MTHFD2L: variants seen among roughly 807,000 people sequenced by gnomAD.
The protein encoded by MTHFD2L is bifunctional methylenetetrahydrofolate dehydrogenase/cyclohydrolase 2, mitochondrial.
Under a neutral mutation model 34.9 loss-of-function variants are expected in MTHFD2L, and 29 were observed. The observed-to-expected ratio is 0.83, with a 90% confidence interval of 0.62 to 1.13. MTHFD2L has a LOEUF of 1.13. Ranked by LOEUF, MTHFD2L falls within the 50% of genes most tolerant of loss-of-function variation. The pLI, the probability that MTHFD2L is intolerant of heterozygous loss-of-function variation, is 0.00. For synonymous variants in MTHFD2L, 167 were observed against 155.7 expected, an observed-to-expected ratio of 1.07 and a Z score of -0.54; for missense variants, 481 against 446.5, an observed-to-expected ratio of 1.08 and a Z score of -0.70.
At chr4:74,163,935 G>A (rs1216950099) in intron 1 of MTHFD2L, among the ~76,000 whole-genome samples, 1 of 152,188 alleles carries the variant, frequency 6.6e-6, no homozygotes, top group Non-Finnish European at 1.5e-5. Flanking sequence ...GAGTGCAATA[G>A]CACGATCTTG....
At chr4:74,182,863 T>C (rs1404421311) in intron 3 of MTHFD2L, 2 of 152,208 alleles carry the variant, frequency 1.3e-5, no homozygotes, top group Non-Finnish European at 2.9e-5. Context: ...TCTTGGAAAC[T>C]AGGTATTACA....
chr4:74,228,807 G>A (rs1739574843), intron 6 of MTHFD2L, among the ~76,000 whole-genome samples: 1 of 152,196 alleles, frequency 6.6e-6, no homozygotes, highest in South Asian at 2.1e-4. Flanking sequence ...AAACAAGACA[G>A]GAGCCAGGAG....
At chr4:74,263,001 C>T (rs1311116318) in intron 6 of MTHFD2L, among the ~76,000 whole-genome samples, 1 of 151,940 alleles carries the variant, frequency 6.6e-6, no homozygotes, top group Non-Finnish European at 1.5e-5. Context: ...TCTCTCAACT[C>T]ACCAAGTTGT....
chr4:74,270,531 TG>T (rs1328112477), intron 6 of MTHFD2L, among the ~76,000 whole-genome samples: 1 of 152,344 alleles, frequency 6.6e-6, no homozygotes, highest in East Asian at 1.9e-4. Context: ...TAGTATTCCA[TG>T]GTGTATATGT....
chr4:74,232,775 T>C (rs535734096), intron 6 of MTHFD2L, among the ~76,000 whole-genome samples: 6 of 151,640 alleles, frequency 4.0e-5, no homozygotes, highest in African/African-American at 1.5e-4. Flanking sequence ...ATATACTATT[T>C]GTATTTAGCA....
At chr4:74,299,174 T>C (rs915825963) in intron 7 of MTHFD2L, among the ~76,000 whole-genome samples, 4 of 151,936 alleles carry the variant, frequency 2.6e-5, no homozygotes, top group African/African-American at 9.7e-5. Context: ...ATATAACAAA[T>C]TGTATGCCAC....
At chr4:74,295,551 A>G (rs1749525571) in intron 7 of MTHFD2L, among the ~76,000 whole-genome samples, 1 of 152,194 alleles carries the variant, frequency 6.6e-6, no homozygotes, top group Non-Finnish European at 1.5e-5. Flanking sequence ...TTCATTAGAG[A>G]AATGTGCAAA....
intron 1 of MTHFD2L, among the ~76,000 whole-genome samples, chr4:74,167,465 A>C (rs1186594689): frequency 1.3e-5 from 2 of 152,256 alleles, no homozygotes; most frequent in East Asian, 3.8e-4. Flanking sequence ...CAGGCTGCCT[A>C]TCCAGAGAAC....
Position 74,174,550 on chromosome 4 carries a change from T to C in MTHFD2L, c.188T>C (p.Ile63Thr), listed in dbSNP as rs1428920131. The change falls in exon 2 of 8, where the codon ATC (isoleucine) becomes ACC (threonine). Residue 63 changes from isoleucine (I) to threonine (T), a missense_variant. Physicochemically the swap from Ile to Thr is moderately conservative, Grantham distance 89. Coordinates refer to ENST00000325278, the MANE Select transcript of MTHFD2L (RefSeq NM_001144978.3). ...TCAGGAACCGAAATGGCCAAGCATA[T>C]CCAGAAAGAAATACAGCGAGGTGTG... ...IISGTEMAKH[I>T]QKEIQRGVES... The C allele has an allele frequency of 6.3e-7, 1 of 1,598,316 alleles. No individual in the cohort carries two copies. Among genetic ancestry groups the C allele is most frequent in the Non-Finnish European group, 8.5e-7 (1 of 1,173,450 alleles).
At chr4:74,140,428 T>G in intron 1 of MTHFD2L, 5 of 388,698 alleles carry the variant, frequency 1.3e-5, no homozygotes, top group Non-Finnish European at 1.8e-5. Context: ...TAGTTTTAAT[T>G]TTATGTAATT....
At chr4:74,298,343 T>A (rs1749877991) in intron 7 of MTHFD2L, among the ~76,000 whole-genome samples, 1 of 152,016 alleles carries the variant, frequency 6.6e-6, no homozygotes, top group African/African-American at 2.4e-5. Context: ...CATAGCCTGA[T>A]TCTATGAAAA....
At chr4:74,274,005 C>G (rs917869038) in intron 6 of MTHFD2L, among the ~76,000 whole-genome samples, 1 of 143,232 alleles carries the variant, frequency 7.0e-6, no homozygotes, top group Admixed American at 6.8e-5. Flanking sequence ...TCCTCAAGAA[C>G]AGTTTGATTT....
intron 3 of MTHFD2L, among the ~76,000 whole-genome samples, chr4:74,196,917 G>T (rs1278096438): frequency 6.7e-6 from 1 of 148,510 alleles, no homozygotes; most frequent in Non-Finnish European, 1.5e-5. Flanking sequence ...CTGCACTCCA[G>T]CCTGGGGAAC....
rs74503864 is a variant in MTHFD2L, at chr4:74,209,768, A to G, written c.712+8398A>G. Among the ~76,000 whole-genome samples the G allele has an allele frequency of 7.9e-3, 1,209 of 152,342 alleles. 30 individuals carry two copies. In the South Asian group the frequency reaches 0.086, roughly 11 times the overall value. ...GGTCCTAGATCCTTGAGGAATTGCC[A>G]TGCTGTCTTCCACAATGGTTGAACT... is the stretch of plus-strand genomic sequence containing the variant. On this transcript the variant is annotated intron_variant, in intron 5 of 7. Transcript: ENST00000325278.
chr4:74,206,977 T>G (rs1735440801), intron 5 of MTHFD2L, among the ~76,000 whole-genome samples: 1 of 152,126 alleles, frequency 6.6e-6, no homozygotes, highest in Admixed American at 6.6e-5. Flanking sequence ...CACGGCTCAC[T>G]GCAGCCTCAA....
chr4:74,301,465 G>A (rs890328155), intron 7 of MTHFD2L, among the ~76,000 whole-genome samples: 1 of 151,708 alleles, frequency 6.6e-6, no homozygotes, highest in Non-Finnish European at 1.5e-5. Flanking sequence ...CTAGGTGTCG[G>A]TCCATTTTGG....
chr4:74,158,860 G>A (rs1724775970), intron 1 of MTHFD2L, among the ~76,000 whole-genome samples: 1 of 152,042 alleles, frequency 6.6e-6, no homozygotes, highest in Non-Finnish European at 1.5e-5. Flanking sequence ...TTGGTTGCTG[G>A]CAAGAACCAT....
chr4:74,224,327 C>T (rs1738794856), intron 5 of MTHFD2L, among the ~76,000 whole-genome samples: 2 of 152,254 alleles, frequency 1.3e-5, no homozygotes, highest in South Asian at 4.1e-4. Flanking sequence ...GCCATGTTGT[C>T]ATTCTCCGCA....
chr4:74,124,744 C>T (rs1050273155), upstream of MTHFD2L, among the ~76,000 whole-genome samples: 24 of 152,104 alleles, frequency 1.6e-4, no homozygotes, highest in Admixed American at 6.6e-5. Flanking sequence ...AGTATTAGTA[C>T]AGTACCACAA....
Sources: allele counts gnomAD v4.1 joint callset (sites outside exome capture counted in the v4.1 genomes callset), GRCh38; gene constraint gnomAD v4.1.1; transcripts MANE v1.5; gene names NCBI Gene and HGNC (gene_info 2026-07-23, HGNC 2026-07-21).